Variants in GLI2 observed in about 807,000 individuals in gnomAD.
GLI2 encodes GLI family zinc finger 2.
In GLI2, 22 loss-of-function variants were observed where a neutral mutation model predicts 78.9. That is an observed-to-expected ratio of 0.28 (90% CI 0.20 to 0.40). The LOEUF (loss-of-function observed/expected upper bound fraction) is 0.40, where lower values mean the gene tolerates loss of function less well. GLI2 is among the 10% of genes least tolerant of loss of function. GLI2 has a pLI of 1.00. For synonymous variants in GLI2, 974 were observed against 963.7 expected (o/e 1.01, Z -0.20); for missense variants, 2,097 against 2,213.2 (o/e 0.95, Z 1.05).
intron 1 of GLI2, among the ~76,000 whole-genome samples, chr2:120,789,011 C>A (rs1684072174): frequency 6.6e-6 from 1 of 150,956 alleles, no homozygotes; most frequent in African/African-American, 2.5e-5. Flanking sequence ...TTCAATCTGG[C>A]TTATCACTTA....
chr2:120,789,642 G>T (rs1329573508), intron 1 of GLI2, among the ~76,000 whole-genome samples: 1 of 152,248 alleles, frequency 6.6e-6, no homozygotes, highest in African/African-American at 2.4e-5. Flanking sequence ...ACAAGTGCCT[G>T]CCTCACAACT....
chr2:120,907,099 C>T (rs888611864), intron 2 of GLI2, among the ~76,000 whole-genome samples: 1 of 152,186 alleles, frequency 6.6e-6, no homozygotes, highest in East Asian at 1.9e-4. Context: ...AGCGTCATTA[C>T]ATCAAACAAG....
At chr2:120,920,171 G>A (rs1391941325) in intron 2 of GLI2, among the ~76,000 whole-genome samples, 1 of 152,236 alleles carries the variant, frequency 6.6e-6, no homozygotes, top group Non-Finnish European at 1.5e-5. Context: ...AGAGGGCTGG[G>A]GCATCCCCAA....
intron 5 of GLI2, among the ~76,000 whole-genome samples, chr2:120,967,164 C>T (rs564997265): frequency 3.3e-5 from 5 of 152,164 alleles, no homozygotes; most frequent in East Asian, 1.9e-4. Context: ...ATGGGGAACC[C>T]GGAGGCCTGG....
intron 3 of GLI2, among the ~76,000 whole-genome samples, chr2:120,936,963 GTCAC>G (rs1343511753): frequency 1.3e-5 from 2 of 152,186 alleles, no homozygotes; most frequent in Admixed American, 1.3e-4. Context: ...TCAAGCCTCT[GTCAC>G]TGCAGCCAGC....
intron 1 of GLI2, among the ~76,000 whole-genome samples, chr2:120,750,138 C>T (rs948993720): frequency 1.3e-5 from 2 of 152,210 alleles, no homozygotes; most frequent in African/African-American, 4.8e-5. Flanking sequence ...CCTGGGTGGC[C>T]CCTCGTGTCC....
intron 1 of GLI2, among the ~76,000 whole-genome samples, chr2:120,789,036 T>TC (rs1299886938): frequency 4.9e-5 from 7 of 143,902 alleles, no homozygotes; most frequent in African/African-American, 8.4e-5. Context: ...TTTCTTTCTT[T>TC]TTTTTTTTTT....
At chr2:120,783,499 G>T (rs11685179) in intron 1 of GLI2, among the ~76,000 whole-genome samples, 2 of 151,882 alleles carry the variant, frequency 1.3e-5, no homozygotes, top group Non-Finnish European at 2.9e-5. Flanking sequence ...AAGGCCACGG[G>T]AACAAAAGAG....
chr2:120,955,514 G>T, intron 5 of GLI2, 84 bp downstream of exon 5: 1 of 938,142 alleles, frequency 1.1e-6, no homozygotes, highest in East Asian at 2.6e-5. Context: ...TTTCTTTTGG[G>T]GACAAGGACC....
At chr2:120,741,747 C>T (rs901875082) in intron 1 of GLI2, among the ~76,000 whole-genome samples, 1 of 152,030 alleles carries the variant, frequency 6.6e-6, no homozygotes, top group Non-Finnish European at 1.5e-5. Context: ...TTCCGTGCCC[C>T]GAGCGCCCCG....
At chr2:120,796,177 A>G (rs1684384462) in intron 1 of GLI2, among the ~76,000 whole-genome samples, 1 of 152,190 alleles carries the variant, frequency 6.6e-6, no homozygotes. Context: ...GAAGTTGCCC[A>G]TGCCCCGAAT....
chr2:120,906,552 G>A (rs1324795239), intron 2 of GLI2, among the ~76,000 whole-genome samples: 8 of 152,064 alleles, frequency 5.3e-5, no homozygotes, highest in South Asian at 2.1e-4. Context: ...CACACTGGCC[G>A]TGTACAATCT....
At chr2:120,905,830 T>TGAG (rs1264973682) in intron 2 of GLI2, among the ~76,000 whole-genome samples, 4 of 151,904 alleles carry the variant, frequency 2.6e-5, no homozygotes, top group African/African-American at 9.7e-5. Context: ...GCTGTTGCCC[T>TGAG]GAGGTTACCA....
intron 1 of GLI2, among the ~76,000 whole-genome samples, chr2:120,779,800 C>T (rs1683784327): frequency 6.6e-6 from 1 of 152,234 alleles, no homozygotes; most frequent in Non-Finnish European, 1.5e-5. Flanking sequence ...TGCTCCTAAC[C>T]ACTCCGCCAT....
chr2:120,741,786 G>T (rs1160440984), intron 1 of GLI2, among the ~76,000 whole-genome samples: 2 of 151,854 alleles, frequency 1.3e-5, no homozygotes, highest in African/African-American at 2.4e-5. Context: ...TCCCACCTGC[G>T]CGCCGGCCTG....
intron 2 of GLI2, among the ~76,000 whole-genome samples, chr2:120,798,195 C>T (rs1006179238): frequency 6.6e-6 from 1 of 152,260 alleles, no homozygotes; most frequent in African/African-American, 2.4e-5. Flanking sequence ...CCCTGTTGCT[C>T]TCAGGGCTGA....
At chr2:120,847,398 G>A in intron 2 of GLI2, among the ~76,000 whole-genome samples, 1 of 152,178 alleles carries the variant, frequency 6.6e-6, no homozygotes. Flanking sequence ...GTCCACACAG[G>A]TAAAAGCGTT....
At chr2:120,923,500 T>C (rs1679503069) in intron 2 of GLI2, among the ~76,000 whole-genome samples, 1 of 151,204 alleles carries the variant, frequency 6.6e-6, no homozygotes, top group African/African-American at 2.4e-5. Context: ...GTATACGCAG[T>C]AACACACATG....
intron 1 of GLI2, among the ~76,000 whole-genome samples, chr2:120,760,425 C>T (rs1053549170): frequency 2.0e-5 from 3 of 152,144 alleles, no homozygotes; most frequent in African/African-American, 7.2e-5. Context: ...AGTGATTTCC[C>T]AGGAAGTGGA....
Sources: gnomAD v4.1 joint callset for allele counts (sites outside exome capture counted in the v4.1 genomes callset) on GRCh38, gnomAD v4.1.1 for gene constraint, MANE v1.5 for transcripts, NCBI Gene and HGNC (gene_info 2026-07-23, HGNC 2026-07-21) for gene names.